NRG2: variants seen among roughly 807,000 people sequenced by gnomAD.
NRG2 encodes the protein pro-neuregulin-2, membrane-bound isoform.
A neutral mutation model predicts 73.9 loss-of-function variants in NRG2; 27 were observed. The ratio of observed to expected loss-of-function variants is 0.37; its 90% CI spans 0.27 to 0.50. The LOEUF (loss-of-function observed/expected upper bound fraction) is 0.50, where lower values mean the gene tolerates loss of function less well. Ranked by LOEUF, NRG2 falls within the 20% of genes least tolerant of loss-of-function variation. The pLI is 0.96. For missense variants in NRG2, 1,126 were observed against 1,210.1 expected, an observed-to-expected ratio of 0.93 and a Z score of 1.03; for synonymous variants, 532 against 541.0, an observed-to-expected ratio of 0.98 and a Z score of 0.23.
chr5:139,971,511 A>G (rs1755967834), intron 1 of NRG2, among the ~76,000 whole-genome samples: 1 of 152,232 alleles, frequency 6.6e-6, no homozygotes, highest in Non-Finnish European at 1.5e-5. Context: ...AATGGCCTCA[A>G]AATAGGTCAA....
intron 1 of NRG2, among the ~76,000 whole-genome samples, chr5:139,982,407 C>T (rs1471406377): frequency 6.6e-6 from 1 of 152,052 alleles, no homozygotes; most frequent in Non-Finnish European, 1.5e-5. Context: ...TCCTGGCCCC[C>T]GTTCTCTGGG....
intron 1 of NRG2, among the ~76,000 whole-genome samples, chr5:139,998,256 A>G (rs903641497): frequency 1.3e-5 from 2 of 152,302 alleles, no homozygotes; most frequent in South Asian, 4.1e-4. Context: ...GAAAGATGAA[A>G]GACCAATGCC....
chr5:139,876,711 G>A (rs976489075), intron 3 of NRG2, among the ~76,000 whole-genome samples: 1 of 151,984 alleles, frequency 6.6e-6, no homozygotes, highest in Non-Finnish European at 1.5e-5. Context: ...GACTCAGGTC[G>A]AGTGCTCCTT....
At chr5:139,967,876 T>C (rs1755657844) in intron 1 of NRG2, among the ~76,000 whole-genome samples, 1 of 152,006 alleles carries the variant, frequency 6.6e-6, no homozygotes, top group African/African-American at 2.4e-5. Context: ...GGAGAATCCC[T>C]TGAATCTGGG....
intron 1 of NRG2, among the ~76,000 whole-genome samples, chr5:139,925,523 G>A (rs1426599777): frequency 1.3e-5 from 2 of 152,236 alleles, no homozygotes; most frequent in African/African-American, 4.8e-5. Flanking sequence ...GCAGCTAAGT[G>A]GCTGGGTTCA....
chr5:139,888,114 C>CAA (rs1478250664), intron 1 of NRG2, among the ~76,000 whole-genome samples: 4 of 149,498 alleles, frequency 2.7e-5, no homozygotes, highest in African/African-American at 9.8e-5. Flanking sequence ...CAAAACAAAA[C>CAA]AACACACACA....
chr5:139,971,464 C>T (rs1011244049), intron 1 of NRG2, among the ~76,000 whole-genome samples: 2 of 152,044 alleles, frequency 1.3e-5, no homozygotes, highest in Non-Finnish European at 2.9e-5. Flanking sequence ...CAAGGAATTG[C>T]GGGGAGGAGC....
intron 1 of NRG2, among the ~76,000 whole-genome samples, chr5:139,939,068 G>A (rs1391800065): frequency 6.6e-6 from 1 of 150,950 alleles, no homozygotes; most frequent in Admixed American, 6.6e-5. Flanking sequence ...AAGGAAGGGA[G>A]AACCTTGACC....
intron 1 of NRG2, among the ~76,000 whole-genome samples, chr5:140,024,049 C>T (rs1760463196): frequency 6.6e-6 from 1 of 152,076 alleles, no homozygotes; most frequent in Non-Finnish European, 1.5e-5. Flanking sequence ...CCTGAGAGAC[C>T]TGTCAACTGA....
At chr5:139,890,132 C>G (rs190586398) in intron 1 of NRG2, among the ~76,000 whole-genome samples, 1 of 152,222 alleles carries the variant, frequency 6.6e-6, no homozygotes, top group East Asian at 1.9e-4. Flanking sequence ...CACACACTCA[C>G]CAACACGAGG....
At chr5:140,006,509 T>C (rs979589858) in intron 1 of NRG2, among the ~76,000 whole-genome samples, 2 of 152,216 alleles carry the variant, frequency 1.3e-5, no homozygotes, top group Admixed American at 1.3e-4. Flanking sequence ...TCATTCAGTA[T>C]TATCTCTAGT....
chr5:140,005,092 T>C (rs1000320752), intron 1 of NRG2, among the ~76,000 whole-genome samples: 1 of 152,200 alleles, frequency 6.6e-6, no homozygotes, highest in Non-Finnish European at 1.5e-5. Flanking sequence ...TCAGGGGATG[T>C]AGAATTGGGT....
chr5:139,993,457 TC>T (rs1412647225), intron 1 of NRG2, among the ~76,000 whole-genome samples: 1 of 152,226 alleles, frequency 6.6e-6, no homozygotes, highest in Non-Finnish European at 1.5e-5. Flanking sequence ...TTTTTCCTAA[TC>T]TTTACATGGG....
intron 1 of NRG2, among the ~76,000 whole-genome samples, chr5:139,926,899 A>G: frequency 6.6e-6 from 1 of 152,184 alleles, no homozygotes; most frequent in East Asian, 1.9e-4. Context: ...CGTTCTTTCC[A>G]TTCCAAAGTG....
At chr5:139,983,897 T>C (rs1756983862) in intron 1 of NRG2, among the ~76,000 whole-genome samples, 1 of 152,178 alleles carries the variant, frequency 6.6e-6, no homozygotes, top group African/African-American at 2.4e-5. Flanking sequence ...TGATTTGTTT[T>C]CCTGGCATAG....
Position 139,904,854 on chromosome 5 carries a change from A to T in NRG2, c.701-17343T>A, listed in dbSNP as rs1765130368. The stretch of plus-strand genomic sequence containing the variant: ...CAAAATGAAGCCCGCTAGCCAGCCC[A>T]GCGGGGTAGCGAGCACCCTTGGCTC... On this transcript the variant is annotated intron_variant, in intron 1 of 9. Transcript: ENST00000361474. This position sits in a 1 kb window ranked among gnomAD's most constrained non-coding sequence, Gnocchi z 6.0. Among the ~76,000 whole-genome samples the T allele has an allele frequency of 6.6e-6, 1 of 152,206 alleles. No individual in the cohort carries two copies. Among genetic ancestry groups the T allele is most frequent in the Non-Finnish European group, 1.5e-5 (1 of 68,024 alleles).
intron 1 of NRG2, among the ~76,000 whole-genome samples, chr5:139,944,495 T>A (rs1386572830): frequency 6.6e-6 from 1 of 152,180 alleles, no homozygotes; most frequent in Admixed American, 6.5e-5. Flanking sequence ...CACATATGAG[T>A]GAGAATGCGA....
chr5:139,861,342 G>A (rs1296288171), intron 5 of NRG2, among the ~76,000 whole-genome samples: 1 of 152,200 alleles, frequency 6.6e-6, no homozygotes, highest in African/African-American at 2.4e-5. Flanking sequence ...GTGGCAATCC[G>A]CAGGAAGTCC....
chr5:139,979,774 G>A (rs1386671247), intron 1 of NRG2, among the ~76,000 whole-genome samples: 2 of 152,188 alleles, frequency 1.3e-5, no homozygotes, highest in Admixed American at 6.5e-5. Flanking sequence ...TAAGATGACC[G>A]CAGTCCTGGA....
Sources: gnomAD v4.1 joint callset for allele counts (sites outside exome capture counted in the v4.1 genomes callset) on GRCh38, gnomAD v4.1.1 for gene constraint, Gnocchi (gnomAD v3.1) non-coding constraint, MANE v1.5 for transcripts, NCBI Gene and HGNC (gene_info 2026-07-23, HGNC 2026-07-21) for gene names.